Variants in SLC35F1 observed in about 807,000 individuals in gnomAD.
SLC35F1 encodes the protein chromosome 6 open reading frame 169.
SLC35F1 carries 14 observed loss-of-function variants against 48.7 expected under a neutral mutation model. The ratio of observed to expected loss-of-function variants is 0.29; its 90% CI spans 0.19 to 0.45. SLC35F1 has a LOEUF of 0.45. SLC35F1 is among the 20% of genes least tolerant of loss of function. The pLI, the probability that SLC35F1 is intolerant of heterozygous loss-of-function variation, is 1.00. For missense variants in SLC35F1, 404 were observed against 500.0 expected (o/e 0.81, Z 1.83); for synonymous variants, 190 against 202.2 (o/e 0.94, Z 0.51).
Position 118,155,776 on chromosome 6 carries a change from T to C in SLC35F1, c.349+1156T>C, listed in dbSNP as rs192088730. ...TGCATTGAAAAAAATCATTAATACA[T>C]TTGGAGACCATTATATACATTAATA... is the stretch of plus-strand genomic sequence containing the variant. On this transcript the variant is annotated intron_variant, in intron 2 of 7. Coordinates refer to ENST00000360388, the MANE Select transcript of SLC35F1 (RefSeq NM_001029858.4). 6.2e-4 allele frequency among the ~76,000 whole-genome samples: 95 copies of C among 152,318 alleles called. 1 individual carries two copies. Among genetic ancestry groups the C allele is most frequent in the African/African-American group, 2.1e-3 (87 of 41,564 alleles).
chr6:117,921,361 C>T (rs1208872996), intron 1 of SLC35F1, among the ~76,000 whole-genome samples: 1 of 152,258 alleles, frequency 6.6e-6, no homozygotes, highest in South Asian at 2.1e-4. Flanking sequence ...GGGTTTCCCC[C>T]CATGTTCCTG....
intron 1 of SLC35F1, among the ~76,000 whole-genome samples, chr6:118,048,044 G>C (rs199810722): frequency 6.6e-6 from 1 of 152,100 alleles, no homozygotes. Flanking sequence ...TCATTATTTT[G>C]AGATACATCC....
chr6:117,907,992 T>G, intron 1 of SLC35F1, 93 bp downstream of exon 1: 1 of 1,183,740 alleles, frequency 8.4e-7, no homozygotes. Flanking sequence ...CCACGGGTCC[T>G]TTGGGACGGG....
chr6:117,924,513 C>CATATGTATATACGTATATACAT (rs1554216932), intron 1 of SLC35F1, among the ~76,000 whole-genome samples: 2 of 144,378 alleles, frequency 1.4e-5, no homozygotes, highest in South Asian at 2.1e-4. Context: ...TACGTATATA[C>CATATGTATATACGTATATACAT]ATATATATAT....
At chr6:118,198,554 C>T (rs553021828) in intron 2 of SLC35F1, among the ~76,000 whole-genome samples, 48 of 152,126 alleles carry the variant, frequency 3.2e-4, no homozygotes, top group African/African-American at 1.0e-3. Flanking sequence ...ATAAAATAAC[C>T]GCTTCGTATT....
Position 118,314,293 on chromosome 6 carries a change from A to C in SLC35F1, c.*41A>C, listed in dbSNP as rs778052048. On this transcript the variant is annotated 3_prime_UTR_variant, in exon 8 of 8. Transcript: ENST00000360388. Reference sequence around the variant, plus strand: ...GCCAACTGAGGCCAACTCATTGGCCATGTTTTTGCCCATCATCTCTGTATT... The same window carrying C: ...GCCAACTGAGGCCAACTCATTGGCCCTGTTTTTGCCCATCATCTCTGTATT... 3 of 1,563,670 alleles carry C rather than the reference A, an allele frequency of 1.9e-6. No individual in the cohort carries two copies. In the South Asian group the frequency reaches 3.3e-5, roughly 17 times the overall value.
chr6:117,915,105 A>G lies in SLC35F1; in HGVS notation c.173+7206A>G, dbSNP rs150436711. On this transcript the variant is annotated intron_variant, in intron 1 of 7. Transcript: ENST00000360388. ...AGGCAACTTTTTGGGACTTGGGGACATGTTTATGCATTGCAGATGGAGAGA... is the reference window on the plus strand; with the variant it reads ...AGGCAACTTTTTGGGACTTGGGGACGTGTTTATGCATTGCAGATGGAGAGA... Among the ~76,000 whole-genome samples the G allele has an allele frequency of 2.6e-4, 39 of 152,320 alleles. No individual in the cohort carries two copies. In the East Asian group the frequency reaches 6.2e-3, roughly 24 times the overall value.
chr6:118,060,718 T>G (rs1772525035), intron 1 of SLC35F1, among the ~76,000 whole-genome samples: 1 of 152,246 alleles, frequency 6.6e-6, no homozygotes, highest in Admixed American at 6.5e-5. Flanking sequence ...GTATTATTTT[T>G]GTCAGCCTGA....
chr6:118,003,784 G>A (rs1777139107), intron 1 of SLC35F1, among the ~76,000 whole-genome samples: 1 of 151,978 alleles, frequency 6.6e-6, no homozygotes, highest in South Asian at 2.1e-4. Flanking sequence ...ATTATATAAA[G>A]CTTCAGATCT....
chr6:118,281,975 C>T (rs1355793739), intron 6 of SLC35F1, among the ~76,000 whole-genome samples: 1 of 152,188 alleles, frequency 6.6e-6, no homozygotes, highest in Non-Finnish European at 1.5e-5. Context: ...TAGTATTTCC[C>T]ATCTCTGTAG....
intron 3 of SLC35F1, among the ~76,000 whole-genome samples, chr6:118,242,177 A>T (rs936293470): frequency 3.9e-5 from 6 of 152,344 alleles, no homozygotes; most frequent in Admixed American, 1.3e-4. Flanking sequence ...ACCATTTTAC[A>T]TTCCTACCAG....
chr6:118,170,717 A>G (rs1033679426), intron 2 of SLC35F1, among the ~76,000 whole-genome samples: 2 of 152,226 alleles, frequency 1.3e-5, no homozygotes, highest in African/African-American at 4.8e-5. Context: ...CTGGGATTAC[A>G]GGTGTGAGCC....
At chr6:118,113,890 C>T (rs926028280) in intron 1 of SLC35F1, among the ~76,000 whole-genome samples, 1 of 152,144 alleles carries the variant, frequency 6.6e-6, no homozygotes. Context: ...CTATTCTATG[C>T]CGAAGCTGTT....
At position 117,982,829 on chromosome 6, in the gene SLC35F1, A is replaced by G. The variant is rs531478540; in HGVS notation, c.173+74930A>G. 3.3e-5 allele frequency among the ~76,000 whole-genome samples: 5 copies of G among 152,316 alleles called. No homozygotes were observed. In the East Asian group the frequency reaches 9.7e-4, roughly 29 times the overall value. On this transcript the variant is annotated intron_variant, in intron 1 of 7. Coordinates refer to ENST00000360388, the MANE Select transcript of SLC35F1 (RefSeq NM_001029858.4). Reference sequence around the variant, plus strand: ...AATGAATATGGAACTGAAACAAAAAAACGTAGTTTTTTTTTCTCCAAATTT... The same window carrying G: ...AATGAATATGGAACTGAAACAAAAAGACGTAGTTTTTTTTTCTCCAAATTT...
At position 118,247,293 on chromosome 6, in the gene SLC35F1, A is replaced by C. The variant is rs556807680; in HGVS notation, c.477+11657A>C. Among the ~76,000 whole-genome samples the C allele has an allele frequency of 8.3e-4, 127 of 152,186 alleles. 1 individual carries two copies. The highest frequency in any genetic ancestry group is 1.7e-3 in the Non-Finnish European group (114 of 68,022). ...TTTGCCACTGACCTATTATGGTGTT[A>C]TCCCAGGTAAGACCAGTGCCAGTCA... is the stretch of plus-strand genomic sequence containing the variant. On this transcript the variant is annotated intron_variant, in intron 3 of 7. Transcript: ENST00000360388.
intron 2 of SLC35F1, among the ~76,000 whole-genome samples, chr6:118,228,734 G>T (rs1775251016): frequency 6.6e-6 from 1 of 151,950 alleles, no homozygotes; most frequent in South Asian, 2.1e-4. Context: ...TTTCCCCTTT[G>T]GAGTTCTGGT....
intron 2 of SLC35F1, among the ~76,000 whole-genome samples, chr6:118,185,889 A>G (rs943215285): frequency 1.3e-5 from 2 of 152,174 alleles, no homozygotes; most frequent in Non-Finnish European, 2.9e-5. Flanking sequence ...CTTGATGTGT[A>G]TGTCTACAAT....
chr6:118,299,709 C>T (rs775023068), intron 7 of SLC35F1, among the ~76,000 whole-genome samples: 2 of 152,144 alleles, frequency 1.3e-5, no homozygotes, highest in African/African-American at 2.4e-5. Context: ...GGCTAAAGTG[C>T]TTCTAATACC....
intron 1 of SLC35F1, among the ~76,000 whole-genome samples, chr6:117,957,009 A>G (rs1776436522): frequency 6.6e-6 from 1 of 152,070 alleles, no homozygotes; most frequent in South Asian, 2.1e-4. Flanking sequence ...TGCGGTGATG[A>G]CTTCCTTCCT....
Sources: gnomAD v4.1 joint callset for allele counts (sites outside exome capture counted in the v4.1 genomes callset) on GRCh38, gnomAD v4.1.1 for gene constraint, MANE v1.5 for transcripts, NCBI Gene and HGNC (gene_info 2026-07-23, HGNC 2026-07-21) for gene names.